The following PCDHGA9 variants were observed in gnomAD, a reference collection of about 807,000 sequenced individuals.
The protein encoded by PCDHGA9 is protocadherin gamma-A9.
Under a neutral mutation model 62.5 loss-of-function variants are expected in PCDHGA9, and 37 were observed. The ratio of observed to expected loss-of-function variants is 0.59; its 90% CI spans 0.46 to 0.78. The LOEUF (loss-of-function observed/expected upper bound fraction) is 0.78, where lower values mean the gene tolerates loss of function less well. Among genes scored for constraint, PCDHGA9 ranks in the 30% least tolerant of loss-of-function variants. The pLI, the probability that PCDHGA9 is intolerant of heterozygous loss-of-function variation, is 0.00. For missense variants in PCDHGA9, 1,138 were observed against 1,166.2 expected (o/e 0.98, Z 0.35); for synonymous variants, 459 against 484.6 (o/e 0.95, Z 0.69).
At chr5:141,499,323 GCTCT>G (rs1259902316) in intron 2 of PCDHGA9, among the ~76,000 whole-genome samples, 1 of 152,046 alleles carries the variant, frequency 6.6e-6, no homozygotes, top group East Asian at 1.9e-4. Context: ...CAGTATCCCT[GCTCT>G]CTCTCAGTTT....
intron 1 of PCDHGA9, chr5:141,423,659 A>C (rs369390148): frequency 6.4e-7 from 1 of 1,551,038 alleles, no homozygotes; most frequent in African/African-American, 1.4e-5. Flanking sequence ...ACAAGTAATC[A>C]GGTGAGATTT....
Position 141,485,168 on chromosome 5 carries a change from G to A in PCDHGA9, c.2425-9639G>A. The A allele has an allele frequency of 6.2e-7, 1 of 1,608,668 alleles. No individual in the cohort carries two copies. Among genetic ancestry groups the A allele is most frequent in the Non-Finnish European group, 8.5e-7 (1 of 1,175,736 alleles). ...GGAGCAAGTAGAGAATTAGCGGGCG[G>A]CAGCAATGCTCCGCAAGGTGAGAAG... is the stretch of plus-strand genomic sequence containing the variant. On this transcript the variant is annotated intron_variant, in intron 1 of 3. Coordinates refer to ENST00000573521, the MANE Select transcript of PCDHGA9 (RefSeq NM_018921.3). This position sits in a 1 kb window ranked among gnomAD's most constrained non-coding sequence, Gnocchi z 5.7.
At position 141,408,680 on chromosome 5, in the gene PCDHGA9, C is replaced by G. The variant is rs774572788; in HGVS notation, c.2424+3304C>G. 1.5e-4 allele frequency: 245 copies of G among 1,613,812 alleles called. No homozygotes were observed. Among genetic ancestry groups the G allele is most frequent in the Non-Finnish European group, 1.9e-4 (222 of 1,179,872 alleles). On this transcript the variant is annotated intron_variant, in intron 1 of 3. Coordinates refer to ENST00000573521, the MANE Select transcript of PCDHGA9 (RefSeq NM_018921.3). ...ACTATCGCTTGACCCTGCCACGGAT[C>G]CTGATATAAACATAAACTCAATTAA...
intron 1 of PCDHGA9, chr5:141,430,826 CT>C (rs765096486): frequency 1.3e-6 from 2 of 1,550,416 alleles, no homozygotes; most frequent in East Asian, 2.2e-5. Flanking sequence ...CCTGGGGACT[CT>C]GTGGGAGACC....
Position 141,403,713 on chromosome 5 carries a change from A to C in PCDHGA9, c.761A>C (p.Asn254Thr), listed in dbSNP as rs2094445702. The C allele has an allele frequency of 1.9e-6, 3 of 1,613,946 alleles. No homozygotes were observed. The highest frequency in any genetic ancestry group is 2.5e-6 in the Non-Finnish European group (3 of 1,179,892). Residue 254 changes from asparagine (N) to threonine (T), a missense_variant, in exon 1 of 4, where the codon AAC becomes ACC. Physicochemically the swap from Asn to Thr is moderately conservative, Grantham distance 65 (BLOSUM62 0). Transcript: ENST00000573521. ...QRIYRVKVLE[N>T]VPPGTWLLTA... ...ATTTACCGAGTTAAAGTCCTTGAGA[A>C]CGTGCCCCCAGGCACCTGGCTGCTT... is the stretch of plus-strand genomic sequence containing the variant.
chr5:141,509,709 T>C (rs1344120168), intron 3 of PCDHGA9, among the ~76,000 whole-genome samples: 1 of 152,200 alleles, frequency 6.6e-6, no homozygotes, highest in African/African-American at 2.4e-5. Context: ...CTGGAGGTGC[T>C]GTCTGATGTC....
chr5:141,486,408 C>T lies in PCDHGA9; in HGVS notation c.2425-8399C>T. On this transcript the variant is annotated intron_variant, in intron 1 of 3. Coordinates refer to ENST00000573521, the MANE Select transcript of PCDHGA9 (RefSeq NM_018921.3). This position sits in a 1 kb window ranked among gnomAD's most constrained non-coding sequence, Gnocchi z 5.0. ...CAGTTCTCCCTGGTGACTGCTGGAC[C>T]CTTGGATCGAGAGGCCAAATCTAGC... is the stretch of plus-strand genomic sequence containing the variant. The T allele has an allele frequency of 1.2e-6, 2 of 1,614,156 alleles. No individual in the cohort carries two copies. Among genetic ancestry groups the T allele is most frequent in the South Asian group, 2.2e-5 (2 of 91,084 alleles).
chr5:141,413,398 A>G lies in PCDHGA9; in HGVS notation c.2424+8022A>G, dbSNP rs780416951. The G allele has an allele frequency of 1.9e-5, 30 of 1,613,944 alleles. No homozygotes were observed. Among genetic ancestry groups the G allele is most frequent in the African/African-American group, 4.0e-5 (3 of 74,960 alleles). Reference sequence around the variant, plus strand: ...CGGAGTCCGCATAGTCTCCAGAGGTAGGACGCAGCTTTTCTCTCTGAACCC... The same window carrying G: ...CGGAGTCCGCATAGTCTCCAGAGGTGGGACGCAGCTTTTCTCTCTGAACCC... On this transcript the variant is annotated intron_variant, in intron 1 of 3. Transcript: ENST00000573521.
chr5:141,405,364 C>T lies in PCDHGA9; in HGVS notation c.2412C>T (p.Thr804=). Residue 804 remains threonine (T), a synonymous_variant, in exon 1 of 4, where the codon ACC becomes ACT. Transcript: ENST00000573521. ...ATTCCAAGTTTCCTATAGAAGACAC[C>T]CCTTTGGTTCCGGTGAGTTCATTTT... is the stretch of plus-strand genomic sequence containing the variant. ...SVDSKFPIED[T]PLVPQAPPNT... is the part of the protein sequence containing the mutation. 1 of 1,613,548 alleles carries T rather than the reference C, an allele frequency of 6.2e-7. No homozygotes were observed. The highest frequency in any genetic ancestry group is 8.5e-7 in the Non-Finnish European group (1 of 1,179,654).
rs1043628660 is a variant in PCDHGA9, at chr5:141,478,879, G to A, written c.2425-15928G>A. On this transcript the variant is annotated intron_variant, in intron 1 of 3. Coordinates refer to ENST00000573521, the MANE Select transcript of PCDHGA9 (RefSeq NM_018921.3). ...GATCTCAGCGATCAGAGTTTAGCTT[G>A]GTATCATTTACATTAGGAATAAGCT... is the stretch of plus-strand genomic sequence containing the variant. 9 of 1,243,630 alleles carry A rather than the reference G, an allele frequency of 7.2e-6. No homozygotes were observed. The African/African-American group carries it at 1.1e-4, about 15-fold the overall frequency. The allele number at this position is 1,243,630 out of a possible 1,614,324, so 77.0% of individuals were successfully genotyped here.
At chr5:141,419,602 C>G (rs757423030) in intron 1 of PCDHGA9, 3 of 1,611,874 alleles carry the variant, frequency 1.9e-6, no homozygotes, top group African/African-American at 2.7e-5. Context: ...TGCCGCGGGC[C>G]GCGCAGCCAG....
intron 1 of PCDHGA9, chr5:141,427,758 A>T: frequency 7.4e-7 from 1 of 1,345,378 alleles, no homozygotes; most frequent in Non-Finnish European, 1.1e-6. Context: ...CATCGTTACC[A>T]CTGACTTGGA....
intron 1 of PCDHGA9, chr5:141,420,098 A>G: frequency 6.2e-7 from 1 of 1,614,034 alleles, no homozygotes; most frequent in African/African-American, 1.3e-5. Flanking sequence ...CAGTGAGGGA[A>G]CGTTGCCCTA....
intron 1 of PCDHGA9, among the ~76,000 whole-genome samples, chr5:141,429,720 A>G (rs571388976): frequency 6.6e-6 from 1 of 152,340 alleles, no homozygotes; most frequent in South Asian, 2.1e-4. Context: ...TACGCTCATG[A>G]AAGTACGTAG....
chr5:141,474,551 C>G (rs1032524620), intron 1 of PCDHGA9, among the ~76,000 whole-genome samples: 35 of 152,312 alleles, frequency 2.3e-4, no homozygotes, highest in Non-Finnish European at 3.5e-4. Flanking sequence ...GCATTTAAAA[C>G]TGGGGGTTTT....
At chr5:141,457,560 G>A (rs1466753974) in intron 1 of PCDHGA9, among the ~76,000 whole-genome samples, 1 of 152,162 alleles carries the variant, frequency 6.6e-6, no homozygotes, top group African/African-American at 2.4e-5. Flanking sequence ...ATAAGCTTTG[G>A]AGCAAAATTT....
chr5:141,505,298 T>C, intron 2 of PCDHGA9, 95 bp from the exon 3 acceptor site: 1 of 1,586,334 alleles, frequency 6.3e-7, no homozygotes, highest in Non-Finnish European at 8.6e-7. Flanking sequence ...GGGGTAGGGT[T>C]AGGGTACTAG....
chr5:141,408,299 A>C, intron 1 of PCDHGA9: 1 of 1,613,662 alleles, frequency 6.2e-7, no homozygotes, highest in Non-Finnish European at 8.5e-7. Context: ...GAGTGAGCCG[A>C]TCCGCTACTC....
At chr5:141,449,328 C>G (rs1340432771) in intron 1 of PCDHGA9, among the ~76,000 whole-genome samples, 1 of 151,866 alleles carries the variant, frequency 6.6e-6, no homozygotes, top group African/African-American at 2.4e-5. Flanking sequence ...ATCTGTAGGC[C>G]AGGTGCAGTG....
Sources: gnomAD v4.1 joint callset for allele counts (sites outside exome capture counted in the v4.1 genomes callset) on GRCh38, gnomAD v4.1.1 for gene constraint, Gnocchi (gnomAD v3.1) non-coding constraint, MANE v1.5 for transcripts, NCBI Gene and HGNC (gene_info 2026-07-23, HGNC 2026-07-21) for gene names.